CCDC12: variants seen among roughly 807,000 people sequenced by gnomAD.
CCDC12 encodes the protein coiled-coil domain containing 12.
In CCDC12, 28 loss-of-function variants were observed where a neutral mutation model predicts 25.7. That is an observed-to-expected ratio of 1.09 (90% confidence interval 0.81 to 1.50). The LOEUF is 1.50. CCDC12 is among the 40% of genes most tolerant of loss of function. The pLI is 0.00. For synonymous variants in CCDC12, 75 were observed against 87.7 expected (o/e 0.86, Z 0.81); for missense variants, 198 against 210.0 (o/e 0.94, Z 0.35).
chr3:46,922,024 G>A lies in CCDC12; in HGVS notation c.*33C>T. On this transcript the variant is annotated 3_prime_UTR_variant, in exon 7 of 7. Transcript: ENST00000683445. ...CCCAAGACCATCCTCTGCAGGACAG[G>A]CCTGATGGGCGAGTGGTGGGGCAGG... is the stretch of plus-strand genomic sequence containing the variant. The A allele has an allele frequency of 6.2e-7, 1 of 1,609,268 alleles. No individual in the cohort carries two copies. The highest frequency in any genetic ancestry group is 2.0e-4 in the Middle Eastern group (1 of 5,054).
At chr3:46,961,838 A>G (rs947559302) in intron 1 of CCDC12, among the ~76,000 whole-genome samples, 9 of 152,262 alleles carry the variant, frequency 5.9e-5, no homozygotes, top group Non-Finnish European at 1.2e-4. Context: ...TAAACAGTGC[A>G]TGCCAATTAA....
chr3:46,959,709 G>T (rs1163251325), intron 1 of CCDC12, among the ~76,000 whole-genome samples: 2 of 152,162 alleles, frequency 1.3e-5, no homozygotes, highest in Non-Finnish European at 2.9e-5. Context: ...GGGGGGACAG[G>T]GAGGTGGCAA....
At chr3:46,976,461 C>G (rs1458441823) in intron 1 of CCDC12, 176 bp downstream of exon 1, 77 of 1,427,616 alleles carry the variant, frequency 5.4e-5, no homozygotes, top group Non-Finnish European at 6.1e-5. Flanking sequence ...AGGAGTCCCA[C>G]GCCAAGCAGC....
At chr3:46,954,932 G>A (rs2034241516) in intron 1 of CCDC12, among the ~76,000 whole-genome samples, 1 of 152,084 alleles carries the variant, frequency 6.6e-6, no homozygotes, top group Non-Finnish European at 1.5e-5. Context: ...GAAAAAAAAA[G>A]TTATTTCCCA....
chr3:46,923,262 C>A, intron 5 of CCDC12, 67 bp downstream of exon 5: 1 of 1,424,680 alleles, frequency 7.0e-7, no homozygotes, highest in South Asian at 1.6e-5. Context: ...GGGCCAAGCC[C>A]CAGGCCCATG....
At chr3:46,963,797 G>A (rs1257387400) in intron 1 of CCDC12, among the ~76,000 whole-genome samples, 16 of 151,944 alleles carry the variant, frequency 1.1e-4, no homozygotes, top group South Asian at 4.2e-4. Context: ...GCGTGATCTC[G>A]GCTCGCTACA....
intron 2 of CCDC12, among the ~76,000 whole-genome samples, chr3:46,935,412 G>T (rs775905405): frequency 6.6e-6 from 1 of 152,110 alleles, no homozygotes; most frequent in Non-Finnish European, 1.5e-5. Context: ...AAGGCAGGGT[G>T]GCAATGGCTG....
chr3:46,967,248 G>A (rs149994791), intron 1 of CCDC12, among the ~76,000 whole-genome samples: 1,922 of 152,136 alleles, frequency 0.013, 24 homozygotes, highest in South Asian at 0.049. Flanking sequence ...TCACACCTGG[G>A]CTCCTGCAGC....
chr3:46,974,724 T>A (rs1022581873), intron 1 of CCDC12, among the ~76,000 whole-genome samples: 1 of 152,216 alleles, frequency 6.6e-6, no homozygotes, highest in African/African-American at 2.4e-5. Context: ...GTTTTTTCAG[T>A]TGGAAAGTGG....
intron 1 of CCDC12, 40 bp from the exon 2 acceptor site, chr3:46,941,105 C>A: frequency 6.3e-7 from 1 of 1,598,726 alleles, no homozygotes; most frequent in Non-Finnish European, 8.6e-7. Context: ...CAGTTGAAAG[C>A]TCCTACTTCC....
chr3:46,969,070 G>T (rs1460806181), intron 1 of CCDC12, among the ~76,000 whole-genome samples: 2 of 152,184 alleles, frequency 1.3e-5, no homozygotes, highest in Non-Finnish European at 2.9e-5. Context: ...ATGGGATGTA[G>T]ATAGAGGCAA....
upstream of CCDC12, among the ~76,000 whole-genome samples, chr3:46,981,124 T>G (rs898500304): frequency 2.0e-5 from 3 of 152,216 alleles, no homozygotes; most frequent in Admixed American, 1.3e-4. Context: ...ACTCGACTTC[T>G]GAGCCTCTGC....
chr3:46,938,378 T>G (rs1031662991), intron 2 of CCDC12, among the ~76,000 whole-genome samples: 13 of 152,098 alleles, frequency 8.5e-5, no homozygotes, highest in Non-Finnish European at 1.9e-4. Flanking sequence ...TGCCCTTTGG[T>G]TTTTTTCCCA....
chr3:46,954,395 G>C (rs894241696), intron 1 of CCDC12, among the ~76,000 whole-genome samples: 4 of 152,172 alleles, frequency 2.6e-5, no homozygotes, highest in Admixed American at 1.3e-4. Context: ...AAACCTCAGT[G>C]GGTGGCCCCT....
chr3:46,921,960 C>A lies in CCDC12; in HGVS notation c.*97G>T. On this transcript the variant is annotated 3_prime_UTR_variant, in exon 7 of 7. Coordinates refer to ENST00000683445, the MANE Select transcript of CCDC12 (RefSeq NM_001277074.2). ...TGGGCAGGGAGTCTCTGCTCAGAAG[C>A]CAAACTGGAGGTGATGGCAAGCCTA... The A allele has an allele frequency of 2.2e-6, 3 of 1,348,014 alleles. No homozygotes were observed. Among genetic ancestry groups the A allele is most frequent in the Non-Finnish European group, 3.1e-6 (3 of 958,318 alleles). The allele number at this position is 1,348,014 out of a possible 1,614,324, so 83.5% of individuals were successfully genotyped here.
At chr3:46,937,527 G>A (rs1257858308) in intron 2 of CCDC12, among the ~76,000 whole-genome samples, 2 of 152,182 alleles carry the variant, frequency 1.3e-5, no homozygotes, top group African/African-American at 4.8e-5. Flanking sequence ...ACTGGCGAAT[G>A]GCCTCAGGGG....
intron 2 of CCDC12, among the ~76,000 whole-genome samples, chr3:46,939,853 G>A (rs2033622340): frequency 2.0e-5 from 3 of 152,192 alleles, no homozygotes; most frequent in Non-Finnish European, 4.4e-5. Flanking sequence ...ACTCATACTG[G>A]TGAAGGTGAA....
chr3:46,977,271 G>A (rs541222378), upstream of CCDC12, among the ~76,000 whole-genome samples: 2 of 152,244 alleles, frequency 1.3e-5, no homozygotes, highest in South Asian at 4.1e-4. Context: ...TCAGGAGATG[G>A]AGACCATCCT....
chr3:46,933,921 T>A (rs1486446913), intron 2 of CCDC12, among the ~76,000 whole-genome samples: 1 of 92,482 alleles, frequency 1.1e-5, no homozygotes, highest in African/African-American at 3.0e-5. Context: ...AAATATCAAT[T>A]GAAAATTTTT....
Sources: gnomAD v4.1 joint callset for allele counts (sites outside exome capture counted in the v4.1 genomes callset) on GRCh38, gnomAD v4.1.1 for gene constraint, MANE v1.5 for transcripts, NCBI Gene and HGNC (gene_info 2026-07-23, HGNC 2026-07-21) for gene names.